The following CYSLTR1 variants were observed in gnomAD, a reference collection of about 807,000 sequenced individuals.
CYSLTR1 encodes G-protein coupled receptor HG55.
In CYSLTR1, 1 loss-of-function variant was observed where a neutral mutation model predicts 2.1. The ratio of observed to expected loss-of-function variants is 0.48; its 90% confidence interval spans 0.17 to 2.28. The LOEUF is 2.28. Among genes scored for constraint, CYSLTR1 ranks in the 30% most tolerant of loss-of-function variants. CYSLTR1 has a pLI of 0.26. For missense variants in CYSLTR1, 299 were observed against 250.1 expected (o/e 1.20, Z -1.32); for synonymous variants, 110 against 89.6 (o/e 1.23, Z -1.28).
Position 78,272,753 on chromosome X carries a change from C to T in CYSLTR1, c.994G>A (p.Glu332Lys). ...RKKASLPEKG[E>K]EICKV is the part of the protein sequence containing the mutation. ...TTAAACTATACTTTACATATTTCTT[C>T]TCCTTTTTCTGGCAAAGAGGCCTTC... Residue 332 changes from glutamate to lysine, a missense_variant, in exon 3 of 3, where the codon GAA (glutamate) becomes AAA (lysine). Transcript: ENST00000373304. 8.4e-7 allele frequency: 1 copy of T among 1,197,019 alleles called. No homozygotes were observed. Among genetic ancestry groups the T allele is most frequent in the Non-Finnish European group, 1.1e-6 (1 of 888,909 alleles).
rs1394354517 is a variant in CYSLTR1 at position 78,272,177 on chromosome X, T to C, written c.*556A>G. The C allele has an allele frequency of 1.8e-5, 2 of 111,779 alleles. No individual in the cohort carries two copies. Among genetic ancestry groups the C allele is most frequent in the Non-Finnish European group, 3.8e-5 (2 of 53,210 alleles). 9.2% of individuals were successfully genotyped at this position (111,779 alleles called of 1,213,427 possible). A position where few individuals can be genotyped will look rare whatever the true frequency, so the allele number is the denominator to read the frequency against. ...TGAATACTAGTCTGTTCTAGCACTT[T>C]TACATTCTCTTTTGGAAGAAATGGC... On this transcript the variant is annotated 3_prime_UTR_variant, in exon 3 of 3. Coordinates refer to ENST00000373304, the MANE Select transcript of CYSLTR1 (RefSeq NM_006639.4).
At chrX:78,297,243 T>A (rs757098389) in intron 1 of CYSLTR1, among the ~76,000 whole-genome samples, 1 of 112,094 alleles carries the variant, frequency 8.9e-6, no homozygotes, top group East Asian at 2.8e-4. Context: ...AAATCCCACT[T>A]GGTCAAGATG....
intron 1 of CYSLTR1, among the ~76,000 whole-genome samples, chrX:78,288,178 T>C (rs1243578745): frequency 9.0e-6 from 1 of 110,528 alleles, no homozygotes; most frequent in African/African-American, 3.3e-5. Context: ...CACTCCAGCC[T>C]GGTGACAGAC....
intron 1 of CYSLTR1, among the ~76,000 whole-genome samples, chrX:78,322,333 C>A (rs763917331): frequency 4.4e-4 from 49 of 112,204 alleles, no homozygotes; most frequent in African/African-American, 1.6e-3. Flanking sequence ...ATAGGAGAGT[C>A]AACAAATATG....
At chrX:78,318,246 G>T (rs376948834) in intron 1 of CYSLTR1, among the ~76,000 whole-genome samples, 4 of 112,160 alleles carry the variant, frequency 3.6e-5, no homozygotes, top group African/African-American at 1.3e-4. Context: ...GGACATGGAT[G>T]GAACTGGAGC....
At chrX:78,295,294 T>C (rs764711720) in intron 1 of CYSLTR1, among the ~76,000 whole-genome samples, 84 of 110,884 alleles carry the variant, frequency 7.6e-4, no homozygotes, top group South Asian at 6.2e-3. Context: ...GACCTTTAGG[T>C]TGTTCCCAGA....
intron 2 of CYSLTR1, among the ~76,000 whole-genome samples, chrX:78,280,144 C>T (rs1921774102): frequency 9.0e-6 from 1 of 110,745 alleles, no homozygotes; most frequent in Non-Finnish European, 1.9e-5. Flanking sequence ...AGGCCATAGA[C>T]AAAAATGTAA....
chrX:78,291,890 T>G (rs1458797816), intron 1 of CYSLTR1, among the ~76,000 whole-genome samples: 2 of 63,352 alleles, frequency 3.2e-5, no homozygotes, highest in Non-Finnish European at 6.9e-5. Flanking sequence ...GTCTATCAAT[T>G]TTGTTGATCT....
intron 1 of CYSLTR1, among the ~76,000 whole-genome samples, chrX:78,293,688 T>C (rs1361756610): frequency 2.7e-5 from 3 of 111,608 alleles, no homozygotes; most frequent in Non-Finnish European, 5.6e-5. Flanking sequence ...TTTTTACCCT[T>C]TTTTTCTCTA....
At chrX:78,289,723 G>A (rs746865963) in intron 1 of CYSLTR1, among the ~76,000 whole-genome samples, 35 of 112,426 alleles carry the variant, frequency 3.1e-4, no homozygotes, top group African/African-American at 9.4e-4. Flanking sequence ...GTGATGATGA[G>A]CATTTTTTCA....
chrX:78,289,756 G>A (rs1185105529), intron 1 of CYSLTR1, among the ~76,000 whole-genome samples: 2 of 112,285 alleles, frequency 1.8e-5, no homozygotes, highest in Non-Finnish European at 3.8e-5. Flanking sequence ...CTGCATAAAT[G>A]TCTTCTTTTG....
At chrX:78,274,431 T>A (rs1921476488) in intron 2 of CYSLTR1, among the ~76,000 whole-genome samples, 2 of 111,386 alleles carry the variant, frequency 1.8e-5, no homozygotes, top group South Asian at 7.5e-4. Flanking sequence ...ACCACACATC[T>A]ACAACCATCT....
chrX:78,309,538 G>A (rs1396897746), intron 1 of CYSLTR1, among the ~76,000 whole-genome samples: 1 of 111,567 alleles, frequency 9.0e-6, no homozygotes, highest in Non-Finnish European at 1.9e-5. Context: ...ATATGATCAC[G>A]AAGTGAATAA....
intron 2 of CYSLTR1, among the ~76,000 whole-genome samples, chrX:78,282,128 G>A (rs1921869454): frequency 1.8e-5 from 2 of 111,343 alleles, no homozygotes; most frequent in African/African-American, 6.5e-5. Context: ...TTCTTGAAAT[G>A]GCCTTTCCTC....
chrX:78,326,762 A>C (rs1211281845), intron 1 of CYSLTR1, among the ~76,000 whole-genome samples: 1 of 111,653 alleles, frequency 9.0e-6, no homozygotes, highest in Non-Finnish European at 1.9e-5. Flanking sequence ...TTTCAAGAAA[A>C]TTTTTTAGCC....
rs1164471809 is a variant in CYSLTR1 at position 78,272,691 on chromosome X, G to T, written c.*42C>A. On this transcript the variant is annotated 3_prime_UTR_variant, in exon 3 of 3. Transcript: ENST00000373304. ...AAATGATTTGACAAAATACTTATTT[G>T]GGAAACTATTTTCATTGGTTTGGAC... The T allele has an allele frequency of 3.8e-6, 4 of 1,045,117 alleles. No homozygotes were observed. The African/African-American group carries it at 5.7e-5, about 15-fold the overall frequency. 86.1% of individuals were successfully genotyped at this position (1,045,117 alleles called of 1,213,427 possible).
intron 1 of CYSLTR1, among the ~76,000 whole-genome samples, chrX:78,301,061 G>A (rs1922801137): frequency 8.9e-6 from 1 of 112,609 alleles, no homozygotes. Flanking sequence ...CATGGCTAGA[G>A]TGGCTGGAAT....
intron 1 of CYSLTR1, among the ~76,000 whole-genome samples, chrX:78,314,390 A>T (rs1363198502): frequency 8.9e-6 from 1 of 111,866 alleles, no homozygotes; most frequent in East Asian, 2.8e-4. Context: ...AGGCTCCACC[A>T]ATTGTCTTCC....
At chrX:78,281,918 A>C (rs954607041) in intron 2 of CYSLTR1, among the ~76,000 whole-genome samples, 1 of 112,241 alleles carries the variant, frequency 8.9e-6, no homozygotes, top group African/African-American at 3.2e-5. Context: ...TCAGTGATTT[A>C]GAATGCCTTC....
Sources: allele counts gnomAD v4.1 joint callset (sites outside exome capture counted in the v4.1 genomes callset), GRCh38; gene constraint gnomAD v4.1.1; transcripts MANE v1.5; gene names NCBI Gene and HGNC (gene_info 2026-07-23, HGNC 2026-07-21).